BRCA1: variants seen among roughly 807,000 people sequenced by gnomAD.
The protein encoded by BRCA1 is breast cancer type 1 susceptibility protein.
BRCA1 carries 140 observed loss-of-function variants against 173.7 expected under a neutral mutation model. The ratio of observed to expected loss-of-function variants is 0.81; its 90% CI spans 0.70 to 0.93. The LOEUF is 0.93. Among genes scored for constraint, BRCA1 ranks in the 40% least tolerant of loss-of-function variants. The pLI is 0.00. For missense variants in BRCA1, 1,983 were observed against 2,172.5 expected, an observed-to-expected ratio of 0.91 and a Z score of 1.73; for synonymous variants, 662 against 756.0, an observed-to-expected ratio of 0.88 and a Z score of 2.04.
intron 6 of BRCA1, among the ~76,000 whole-genome samples, chr17:43,100,875 G>T (rs2054444413): frequency 6.7e-6 from 1 of 149,244 alleles, no homozygotes; most frequent in Non-Finnish European, 1.5e-5. Flanking sequence ...GGGACTACAG[G>T]CGTACACCAC....
At chr17:43,053,052 A>G (rs528817000) in intron 19 of BRCA1, among the ~76,000 whole-genome samples, 1 of 151,766 alleles carries the variant, frequency 6.6e-6, no homozygotes, top group African/African-American at 2.4e-5. Flanking sequence ...AATTTTTTGT[A>G]TTTTTAGTAG....
At chr17:43,139,163 G>A (rs543585657) in intron 1 of BRCA1, among the ~76,000 whole-genome samples, 2 of 149,058 alleles carry the variant, frequency 1.3e-5, no homozygotes, top group Non-Finnish European at 3.0e-5. Flanking sequence ...AGATGGGGGT[G>A]CTAGGAGCAT....
chr17:43,079,262 C>T (rs2154103785), intron 12 of BRCA1: 2 of 1,176,124 alleles, frequency 1.7e-6, no homozygotes, highest in Non-Finnish European at 2.5e-6. Flanking sequence ...AGTCATTCCT[C>T]CTTTTGGCCA....
rs2054529947 is a variant in BRCA1, at chr17:43,102,477, C to T, written c.441+1645G>A. 2.0e-5 allele frequency among the ~76,000 whole-genome samples: 3 copies of T among 151,502 alleles called. No individual in the cohort carries two copies. The Admixed American group carries it at 2.0e-4, about 10-fold the overall frequency. On this transcript the variant is annotated intron_variant, in intron 6 of 22. Transcript: ENST00000357654. ...GTTCAAGTGATTCTCCATCCTCAGC[C>T]TCTGGAGTAGCTGGGATTACAGGCA...
chr17:43,066,316 G>A lies in BRCA1; in HGVS notation c.5074+1292C>T, dbSNP rs4793194. On this transcript the variant is annotated intron_variant, in intron 16 of 22. Transcript: ENST00000357654. ...CTTTTTCATATGTTAAGACTATCTC[G>A]GAGCTGTTATCAGACTTTTTTCCTG... 0.32 allele frequency among the ~76,000 whole-genome samples: 48,112 copies of A among 151,884 alleles called. 7,952 individuals carry two copies. The highest frequency in any genetic ancestry group is 0.49 in the South Asian group (2,377 of 4,814).
At chr17:43,062,337 T>C (rs1311896585) in intron 18 of BRCA1, among the ~76,000 whole-genome samples, 1 of 152,056 alleles carries the variant, frequency 6.6e-6, no homozygotes, top group African/African-American at 2.4e-5. Flanking sequence ...TCAAGTAATC[T>C]TCCTGTCTCA....
At chr17:43,117,562 A>G (rs189193276) in intron 2 of BRCA1, among the ~76,000 whole-genome samples, 11 of 152,240 alleles carry the variant, frequency 7.2e-5, no homozygotes, top group Admixed American at 3.3e-4. Context: ...AACACAGTGA[A>G]ACGCTGTCTC....
intron 11 of BRCA1, among the ~76,000 whole-genome samples, chr17:43,086,543 G>A (rs990495497): frequency 2.0e-5 from 3 of 152,030 alleles, no homozygotes; most frequent in African/African-American, 7.2e-5. Context: ...TGACTTCAAC[G>A]GTTTTGGGTA....
intron 17 of BRCA1, 148 bp from the exon 18 acceptor site, chr17:43,063,521 G>T (rs45518438): frequency 2.3e-5 from 16 of 707,758 alleles, no homozygotes; most frequent in Non-Finnish European, 4.0e-5. Context: ...CTTTAATAAG[G>T]CTTGTAGCAG....
intron 1 of BRCA1, among the ~76,000 whole-genome samples, chr17:43,156,836 T>A (rs2056200510): frequency 1.3e-5 from 2 of 152,052 alleles, no homozygotes; most frequent in African/African-American, 4.8e-5. Context: ...AACTCCAATA[T>A]GTAAAAAGGT....
Position 43,087,898 on chromosome 17 carries a change from AT to A in BRCA1, c.4185+3045del, listed in dbSNP as rs144110800. Among the ~76,000 whole-genome samples, 22,710 of 145,134 alleles carry A rather than the reference AT, an allele frequency of 0.16. 1,883 individuals carry two copies. The highest frequency in any genetic ancestry group is 0.32 in the South Asian group (1,453 of 4,600). On this transcript the variant is annotated intron_variant, in intron 11 of 22. Coordinates refer to ENST00000357654, the MANE Select transcript of BRCA1 (RefSeq NM_007294.4). The stretch of plus-strand genomic sequence containing the variant: ...AGGTGTGCACCACTAAGCCTCACTA[AT>A]TTTTTTTTTTTTCCCAGACAGGGGT...
chr17:43,064,115 T>A (rs2051947649), intron 16 of BRCA1, among the ~76,000 whole-genome samples, 164 bp from the exon 17 acceptor site: 1 of 152,172 alleles, frequency 6.6e-6, no homozygotes, highest in South Asian at 2.1e-4. Flanking sequence ...ACACCACTAA[T>A]TATAACCAGC....
chr17:43,136,020 G>A (rs973386268), intron 1 of BRCA1, among the ~76,000 whole-genome samples: 4 of 152,208 alleles, frequency 2.6e-5, no homozygotes, highest in African/African-American at 9.6e-5. Flanking sequence ...TTCGCCGGGC[G>A]CAGGGCTCCC....
At chr17:43,142,862 G>T (rs1217547256) in intron 1 of BRCA1, among the ~76,000 whole-genome samples, 1 of 151,782 alleles carries the variant, frequency 6.6e-6, no homozygotes, top group African/African-American at 2.4e-5. Context: ...TCCTACCTCA[G>T]CCTCCTGAGT....
At chr17:43,108,299 T>C (rs1215803696) in intron 3 of BRCA1, among the ~76,000 whole-genome samples, 1 of 150,698 alleles carries the variant, frequency 6.6e-6, no homozygotes, top group Non-Finnish European at 1.5e-5. Context: ...TATTGCACCA[T>C]TGCATTCCAG....
rs946230986 is a variant in BRCA1 at position 43,131,315 on chromosome 17, A to T, written c.-19-7200T>A. The T allele has an allele frequency of 4.4e-5, 21 of 476,564 alleles. No homozygotes were observed. In the Admixed American group the frequency reaches 5.0e-4, roughly 11 times the overall value. 29.5% of individuals were successfully genotyped at this position (476,564 alleles called of 1,614,324 possible). On this transcript the variant is annotated intron_variant, in intron 1 of 7. Coordinates refer to the BRCA1 transcript ENST00000634433. ...TTATTGCTAGGTGTTCAGAATAGGGATCTTATTTCTCCAGTGATATGGGCT... is the reference window on the plus strand; with the variant it reads ...TTATTGCTAGGTGTTCAGAATAGGGTTCTTATTTCTCCAGTGATATGGGCT...
At chr17:43,119,097 G>C (rs2055428292) in intron 2 of BRCA1, 1 of 214,230 alleles carries the variant, frequency 4.7e-6, no homozygotes, top group Non-Finnish European at 9.4e-6. Context: ...TAAAGTCCAG[G>C]CAAGATATCA....
intron 12 of BRCA1, among the ~76,000 whole-genome samples, chr17:43,077,122 G>GAAAAA (rs1567780226): frequency 1.3e-5 from 2 of 151,322 alleles, no homozygotes; most frequent in Non-Finnish European, 2.9e-5. Context: ...TGTCAGACAT[G>GAAAAA]AAAGAAAAAA....
chr17:43,144,070 G>T lies in BRCA1; in HGVS notation c.-19-19955C>A, dbSNP rs184231160. ...CCTGTCTCTACTAAGAATACAAAAA[G>T]AAATTAGCTGGGCATGCTGGCGGGC... On this transcript the variant is annotated intron_variant, in intron 1 of 7. Coordinates refer to the BRCA1 transcript ENST00000634433. 6.5e-4 allele frequency: 103 copies of T among 159,410 alleles called. No homozygotes were observed. The Middle Eastern group carries it at 0.013, about 19-fold the overall frequency. The allele number at this position is 159,410 out of a possible 1,614,324, so 9.9% of individuals were successfully genotyped here.
Sources: allele counts gnomAD v4.1 joint callset (sites outside exome capture counted in the v4.1 genomes callset), GRCh38; gene constraint gnomAD v4.1.1; transcripts MANE v1.5; gene names NCBI Gene and HGNC (gene_info 2026-07-23, HGNC 2026-07-21).